FAT4: variants seen among roughly 807,000 people sequenced by gnomAD.
FAT4 encodes protocadherin Fat 4.
FAT4 carries 84 observed loss-of-function variants against 303.9 expected under a neutral mutation model. The observed-to-expected ratio is 0.28, with a 90% confidence interval of 0.23 to 0.33. FAT4 has a LOEUF of 0.33. Among genes scored for constraint, FAT4 ranks in the 10% least tolerant of loss-of-function variants. The pLI, the probability that FAT4 is intolerant of heterozygous loss-of-function variation, is 1.00. For synonymous variants in FAT4, 2,307 were observed against 2,298.8 expected (o/e 1.00, Z -0.10); for missense variants, 6,005 against 6,146.8 (o/e 0.98, Z 0.77).
chr4:125,323,934 G>A (rs990022043), intron 2 of FAT4, among the ~76,000 whole-genome samples: 1 of 152,212 alleles, frequency 6.6e-6, no homozygotes, highest in South Asian at 2.1e-4. Context: ...GAGAGTCAGC[G>A]GGTAAAAGAG....
At position 125,317,498 on chromosome 4, in the gene FAT4, C is replaced by T; in HGVS notation, c.1087C>T (p.Arg363Cys). 6.2e-7 allele frequency: 1 copy of T among 1,613,762 alleles called. No homozygotes were observed. Among genetic ancestry groups the T allele is most frequent in the Non-Finnish European group, 8.5e-7 (1 of 1,180,028 alleles). The change falls in exon 2 of 18, where the codon CGC becomes TGC. Residue 363 changes from arginine to cysteine, a missense_variant. Physicochemically the swap from Arg to Cys is radical, Grantham distance 180 (BLOSUM62 -3). Transcript: ENST00000394329. The surrounding 1 kb of genome is among the most constrained non-coding windows in gnomAD (Gnocchi z 7.0). ...GTTCCGCTACTTCCCGGCCACCTCG[C>T]GCTACGCCTCGGTAGATGAGAATGC... ...VKFRYFPATS[R>C]YASVDENAQV...
chr4:125,487,763 C>A (rs1460254564), intron 17 of FAT4, among the ~76,000 whole-genome samples, 157 bp downstream of exon 17: 1 of 152,248 alleles, frequency 6.6e-6, no homozygotes, highest in African/African-American at 2.4e-5. Flanking sequence ...AGTTTGATGT[C>A]TGATAATATC....
intron 2 of FAT4, among the ~76,000 whole-genome samples, chr4:125,332,088 T>C (rs949600771): frequency 6.6e-6 from 1 of 152,068 alleles, no homozygotes; most frequent in African/African-American, 2.4e-5. Flanking sequence ...AAAATATAGA[T>C]CTGCACAGGA....
intron 2 of FAT4, among the ~76,000 whole-genome samples, chr4:125,326,027 C>T (rs1731136460): frequency 6.6e-6 from 1 of 151,854 alleles, no homozygotes; most frequent in Non-Finnish European, 1.5e-5. Flanking sequence ...GTGAGAGAAC[C>T]ATTGGTGTGG....
chr4:125,347,000 T>A (rs1732027969), intron 2 of FAT4, among the ~76,000 whole-genome samples: 1 of 151,942 alleles, frequency 6.6e-6, no homozygotes, highest in Non-Finnish European at 1.5e-5. Flanking sequence ...ATTTAAGATA[T>A]AATTCAGTGA....
chr4:125,357,462 G>T (rs903279729), intron 2 of FAT4, among the ~76,000 whole-genome samples: 2 of 152,024 alleles, frequency 1.3e-5, no homozygotes, highest in African/African-American at 4.8e-5. Flanking sequence ...TACTTTAATA[G>T]TAACAAAGGA....
At chr4:125,454,852 C>G (rs901521509) in intron 10 of FAT4, among the ~76,000 whole-genome samples, 1 of 152,064 alleles carries the variant, frequency 6.6e-6, no homozygotes, top group Non-Finnish European at 1.5e-5. Context: ...ACAAACAAAA[C>G]CCACGTGGTA....
chr4:125,390,719 A>G (rs1457171290), intron 2 of FAT4, among the ~76,000 whole-genome samples: 1 of 152,190 alleles, frequency 6.6e-6, no homozygotes, highest in Admixed American at 6.6e-5. Flanking sequence ...TTCCAGGTTT[A>G]CACGTGCCTT....
intron 2 of FAT4, among the ~76,000 whole-genome samples, chr4:125,356,659 A>G (rs1732439445): frequency 6.7e-6 from 1 of 149,928 alleles, no homozygotes; most frequent in Non-Finnish European, 1.5e-5. Flanking sequence ...TGACAAGACT[A>G]ATATAAGTAG....
rs180742804 is a variant in FAT4, at chr4:125,326,648, G to A, written c.5175+5062G>A. The stretch of plus-strand genomic sequence containing the variant: ...CTTCTATCAAGCTGGATCAGTCTGT[G>A]GTTTTGGTTAAGAGAAAAGCTCTTT... On this transcript the variant is annotated intron_variant, in intron 2 of 17. Transcript: ENST00000394329. Among the ~76,000 whole-genome samples the A allele has an allele frequency of 1.6e-4, 25 of 152,252 alleles. No individual in the cohort carries two copies. In the East Asian group the frequency reaches 4.8e-3, roughly 30 times the overall value.
chr4:125,374,061 A>T (rs1733225803), intron 2 of FAT4, among the ~76,000 whole-genome samples: 1 of 152,172 alleles, frequency 6.6e-6, no homozygotes, highest in Non-Finnish European at 1.5e-5. Flanking sequence ...AATCAGATAT[A>T]CCAATTTAAC....
At chr4:125,396,978 T>C (rs1214521922) in intron 2 of FAT4, among the ~76,000 whole-genome samples, 3 of 149,318 alleles carry the variant, frequency 2.0e-5, no homozygotes, top group Admixed American at 6.7e-5. Flanking sequence ...AATATGTATG[T>C]GTGTGTGTAT....
rs140439953 is a variant in FAT4, at chr4:125,351,140, T to C, written c.5175+29554T>C. On this transcript the variant is annotated intron_variant, in intron 2 of 17. Coordinates refer to ENST00000394329, the MANE Select transcript of FAT4 (RefSeq NM_001291303.3). ...CTTTTTTGTTGTTTTTTAAATCCAATATTACTTTATTTTTATTTAATTAAC... is the reference window on the plus strand; with the variant it reads ...CTTTTTTGTTGTTTTTTAAATCCAACATTACTTTATTTTTATTTAATTAAC... 3.5e-3 allele frequency among the ~76,000 whole-genome samples: 530 copies of C among 151,854 alleles called. 5 individuals carry two copies. The highest frequency in any genetic ancestry group is 8.6e-3 in the Admixed American group (130 of 15,186).
At chr4:125,346,558 T>C (rs770661262) in intron 2 of FAT4, among the ~76,000 whole-genome samples, 36 of 152,032 alleles carry the variant, frequency 2.4e-4, no homozygotes, top group Non-Finnish European at 4.0e-4. Flanking sequence ...AAAAGTATAT[T>C]CAATGGCTAT....
chr4:125,417,419 C>T (rs1237238800), intron 7 of FAT4, among the ~76,000 whole-genome samples: 2 of 152,102 alleles, frequency 1.3e-5, no homozygotes, highest in Admixed American at 1.3e-4. Flanking sequence ...GGGAGCCAAA[C>T]TATAAGTTCC....
At chr4:125,482,097 A>G (rs535690506) in intron 16 of FAT4, among the ~76,000 whole-genome samples, 5 of 152,364 alleles carry the variant, frequency 3.3e-5, no homozygotes, top group East Asian at 3.9e-4. Flanking sequence ...TTGAAATACA[A>G]AAATATTTTT....
At chr4:125,377,833 T>A (rs906532101) in intron 2 of FAT4, among the ~76,000 whole-genome samples, 1 of 152,110 alleles carries the variant, frequency 6.6e-6, no homozygotes, top group Non-Finnish European at 1.5e-5. Flanking sequence ...ATAAGTTAGA[T>A]GCTATAAAAA....
At chr4:125,414,822 G>T in intron 5 of FAT4, 62 bp from the exon 6 acceptor site, 1 of 1,124,582 alleles carries the variant, frequency 8.9e-7, no homozygotes. Context: ...TAAAAGTTTT[G>T]GTATAGCTTG....
rs1229625627 is a variant in FAT4 at position 125,317,925 on chromosome 4, G to A, written c.1514G>A (p.Gly505Asp). 1.9e-6 allele frequency: 3 copies of A among 1,614,054 alleles called. No homozygotes were observed. Among genetic ancestry groups the A allele is most frequent in the Non-Finnish European group, 2.5e-6 (3 of 1,180,042 alleles). Reference protein sequence around the residue: ...SGISATDGDSGLNANLRYSIV... With the variant: ...SGISATDGDSDLNANLRYSIV... ...ATATCTGCCACTGATGGCGACTCTGGTCTCAATGCTAATCTGCGTTACAGC... is the reference window on the plus strand; with the variant it reads ...ATATCTGCCACTGATGGCGACTCTGATCTCAATGCTAATCTGCGTTACAGC... The change falls in exon 2 of 18, where the codon GGT becomes GAT. Residue 505 changes from glycine (G) to aspartate (D), a missense_variant. Transcript: ENST00000394329. The surrounding 1 kb of genome is among the most constrained non-coding windows in gnomAD (Gnocchi z 7.0).
Sources: gnomAD v4.1 joint callset for allele counts (sites outside exome capture counted in the v4.1 genomes callset) on GRCh38, gnomAD v4.1.1 for gene constraint, Gnocchi (gnomAD v3.1) non-coding constraint, MANE v1.5 for transcripts, NCBI Gene and HGNC (gene_info 2026-07-23, HGNC 2026-07-21) for gene names.